Variants in LHFPL3 observed in about 807,000 individuals in gnomAD.
The protein encoded by LHFPL3 is LHFPL tetraspan subfamily member 3, also known as LHFPL tetraspan subfamily member 3 protein.
A neutral mutation model predicts 19.3 loss-of-function variants in LHFPL3; 5 were observed. The ratio of observed to expected loss-of-function variants is 0.26; its 90% confidence interval spans 0.14 to 0.54. The LOEUF (loss-of-function observed/expected upper bound fraction) is 0.54, where lower values mean the gene tolerates loss of function less well. LHFPL3 is among the 20% of genes least tolerant of loss of function. LHFPL3 has a pLI of 0.94. For synonymous variants in LHFPL3, 133 were observed against 126.2 expected (o/e 1.05, Z -0.36); for missense variants, 249 against 307.4 (o/e 0.81, Z 1.42).
chr7:104,746,259 C>T (rs947370471), intron 2 of LHFPL3, among the ~76,000 whole-genome samples: 1 of 152,104 alleles, frequency 6.6e-6, no homozygotes, highest in Non-Finnish European at 1.5e-5. Context: ...TTGCAGTGAA[C>T]CAAGATCATG....
intron 2 of LHFPL3, among the ~76,000 whole-genome samples, chr7:104,788,277 C>T (rs559378236): frequency 3.9e-5 from 6 of 152,168 alleles, no homozygotes; most frequent in East Asian, 3.8e-4. Context: ...GCTCAGCACA[C>T]GTGTATCCAG....
intron 2 of LHFPL3, among the ~76,000 whole-genome samples, chr7:104,806,882 G>A (rs762403413): frequency 5.9e-5 from 9 of 151,842 alleles, no homozygotes; most frequent in East Asian, 1.9e-4. Flanking sequence ...AATACCTTTC[G>A]GGCATTAAAC....
chr7:104,482,518 A>C (rs1793156879), intron 1 of LHFPL3, among the ~76,000 whole-genome samples: 1 of 152,134 alleles, frequency 6.6e-6, no homozygotes, highest in Non-Finnish European at 1.5e-5. Flanking sequence ...TTTATGTTGA[A>C]TCTGTCCTTT....
At chr7:104,331,943 C>T (rs1028357514) in intron 1 of LHFPL3, among the ~76,000 whole-genome samples, 4 of 151,096 alleles carry the variant, frequency 2.6e-5, no homozygotes, top group African/African-American at 7.3e-5. Context: ...GAGCGAGACC[C>T]CATCTCAAAA....
At chr7:104,589,672 G>T (rs1016620055) in intron 1 of LHFPL3, among the ~76,000 whole-genome samples, 14 of 152,150 alleles carry the variant, frequency 9.2e-5, no homozygotes, top group Non-Finnish European at 1.9e-4. Flanking sequence ...GATTGGAATA[G>T]TTTCAGAAGG....
At chr7:104,552,767 T>C (rs1030212241) in intron 1 of LHFPL3, among the ~76,000 whole-genome samples, 2 of 152,242 alleles carry the variant, frequency 1.3e-5, no homozygotes, top group Admixed American at 6.5e-5. Flanking sequence ...TTAAGCTTGC[T>C]GATTGTAATT....
intron 2 of LHFPL3, among the ~76,000 whole-genome samples, chr7:104,830,832 T>C (rs1790937762): frequency 6.6e-6 from 1 of 151,910 alleles, no homozygotes; most frequent in African/African-American, 2.4e-5. Context: ...TTTTGCCTTT[T>C]AAAAGGGATT....
At chr7:104,860,258 G>A (rs369992506) in intron 2 of LHFPL3, among the ~76,000 whole-genome samples, 329 of 151,356 alleles carry the variant, frequency 2.2e-3, no homozygotes, top group South Asian at 0.012. Context: ...AAACTTACTC[G>A]GCTCTCCCTG....
At chr7:104,511,559 G>A (rs746995058) in intron 1 of LHFPL3, among the ~76,000 whole-genome samples, 95 of 152,314 alleles carry the variant, frequency 6.2e-4, no homozygotes, top group Non-Finnish European at 1.1e-3. Flanking sequence ...ATAATTGGAA[G>A]CAACCCAGAT....
chr7:104,404,043 A>G (rs1791369194), intron 1 of LHFPL3, among the ~76,000 whole-genome samples: 1 of 152,204 alleles, frequency 6.6e-6, no homozygotes, highest in Non-Finnish European at 1.5e-5. Flanking sequence ...GTTCTATAAC[A>G]GTATAATTCA....
chr7:104,385,234 T>C (rs1790915407), intron 1 of LHFPL3, among the ~76,000 whole-genome samples: 1 of 152,232 alleles, frequency 6.6e-6, no homozygotes, highest in Non-Finnish European at 1.5e-5. Context: ...ACAATTCTTG[T>C]TGCCTTGTTT....
intron 1 of LHFPL3, among the ~76,000 whole-genome samples, chr7:104,514,725 G>A (rs535842772): frequency 1.1e-3 from 167 of 152,258 alleles, no homozygotes; most frequent in African/African-American, 3.9e-3. Flanking sequence ...TAAATACAAT[G>A]TCTGGGACTC....
chr7:104,860,513 G>C (rs758167978), intron 2 of LHFPL3, among the ~76,000 whole-genome samples: 1 of 130,572 alleles, frequency 7.7e-6, no homozygotes, highest in Non-Finnish European at 1.7e-5. Flanking sequence ...AGTCCTCCAA[G>C]GGCTGCCCTG....
chr7:104,512,632 A>G (rs1793841019), intron 1 of LHFPL3, among the ~76,000 whole-genome samples: 1 of 152,120 alleles, frequency 6.6e-6, no homozygotes, highest in African/African-American at 2.4e-5. Flanking sequence ...GCTACTCGGG[A>G]GGCTGAGGCA....
intron 1 of LHFPL3, among the ~76,000 whole-genome samples, chr7:104,458,763 A>T (rs112392576): frequency 6.6e-6 from 1 of 151,550 alleles, no homozygotes; most frequent in Non-Finnish European, 1.5e-5. Context: ...TTATTGGCTA[A>T]TTCACCTTCA....
intron 1 of LHFPL3, among the ~76,000 whole-genome samples, chr7:104,698,895 T>C (rs544931369): frequency 5.2e-4 from 79 of 152,322 alleles, no homozygotes; most frequent in African/African-American, 1.9e-3. Context: ...TTAATAGATA[T>C]TTCTCCAAAG....
intron 1 of LHFPL3, among the ~76,000 whole-genome samples, chr7:104,421,967 G>A (rs578175756): frequency 2.0e-4 from 30 of 152,248 alleles, no homozygotes; most frequent in African/African-American, 6.0e-4. Flanking sequence ...ATGGGAAAAC[G>A]TAATGTGAAG....
intron 1 of LHFPL3, among the ~76,000 whole-genome samples, chr7:104,446,820 T>A (rs1007800212): frequency 7.2e-5 from 11 of 152,258 alleles, no homozygotes; most frequent in African/African-American, 2.2e-4. Context: ...GTGCTGTGAT[T>A]ACAGGCTTGA....
chr7:104,695,265 C>T (rs1223197254), intron 1 of LHFPL3, among the ~76,000 whole-genome samples: 2 of 152,152 alleles, frequency 1.3e-5, no homozygotes, highest in African/African-American at 4.8e-5. Context: ...TGCACCAGGC[C>T]AATTTGTCCA....
Sources: gnomAD v4.1 joint callset for allele counts (sites outside exome capture counted in the v4.1 genomes callset) on GRCh38, gnomAD v4.1.1 for gene constraint, MANE v1.5 for transcripts, NCBI Gene and HGNC (gene_info 2026-07-23, HGNC 2026-07-21) for gene names.